DLGAP2: variants seen among roughly 807,000 people sequenced by gnomAD.
DLGAP2 encodes disks large-associated protein 2.
A neutral mutation model predicts 100.3 loss-of-function variants in DLGAP2; 26 were observed. The ratio of observed to expected loss-of-function variants is 0.26; its 90% CI spans 0.19 to 0.36. The LOEUF (loss-of-function observed/expected upper bound fraction) is 0.36. DLGAP2 is among the 10% of genes least tolerant of loss of function. The pLI is 1.00. For synonymous variants in DLGAP2, 886 were observed against 630.1 expected (o/e 1.41, Z -6.08); for missense variants, 1,858 against 1,453.2 (o/e 1.28, Z -4.53).
intron 3 of DLGAP2, among the ~76,000 whole-genome samples, chr8:1,334,714 C>T (rs1801232673): frequency 6.6e-6 from 1 of 152,148 alleles, no homozygotes; most frequent in Non-Finnish European, 1.5e-5. Context: ...AGCAGCCAGG[C>T]CGTGTGCCTT....
chr8:1,455,413 G>A (rs1798283956), intron 3 of DLGAP2, among the ~76,000 whole-genome samples: 1 of 152,218 alleles, frequency 6.6e-6, no homozygotes, highest in Non-Finnish European at 1.5e-5. Flanking sequence ...GGGGACCCTG[G>A]TCTGTCAGGA....
intron 1 of DLGAP2, among the ~76,000 whole-genome samples, chr8:749,635 T>C (rs1328035937): frequency 2.0e-5 from 3 of 152,246 alleles, no homozygotes; most frequent in Non-Finnish European, 4.4e-5. Flanking sequence ...CTGGGGTTAA[T>C]GTATTTTTTT....
chr8:1,270,834 G>A (rs1214849132), intron 3 of DLGAP2, among the ~76,000 whole-genome samples: 1 of 151,910 alleles, frequency 6.6e-6, no homozygotes, highest in Non-Finnish European at 1.5e-5. Context: ...CTCTCTGTGT[G>A]TGTGTCTACA....
chr8:1,469,736 T>G (rs887659198), intron 3 of DLGAP2, among the ~76,000 whole-genome samples: 1 of 152,178 alleles, frequency 6.6e-6, no homozygotes, highest in Non-Finnish European at 1.5e-5. Context: ...TTGCCCTAAA[T>G]AAAACCAACC....
intron 2 of DLGAP2, among the ~76,000 whole-genome samples, chr8:1,104,280 A>G (rs1321959880): frequency 1.3e-5 from 2 of 152,076 alleles, no homozygotes; most frequent in African/African-American, 4.8e-5. Context: ...CAGCCCAGTA[A>G]AAAGAGCTCA....
chr8:1,206,597 T>A (rs112543634), intron 2 of DLGAP2, among the ~76,000 whole-genome samples: 18,786 of 83,040 alleles, frequency 0.23, 1,162 homozygotes, highest in East Asian at 0.29. Context: ...GAGCAGTTAA[T>A]CTCCAGCCAT....
chr8:1,129,483 G>A (rs887006246), intron 2 of DLGAP2, among the ~76,000 whole-genome samples: 6 of 152,104 alleles, frequency 3.9e-5, no homozygotes, highest in Non-Finnish European at 8.8e-5. Flanking sequence ...TGGAATTGAA[G>A]CAAGTCTTAT....
chr8:1,379,698 A>C (rs559218488), intron 3 of DLGAP2: 1 of 152,380 alleles, frequency 6.6e-6, no homozygotes, highest in African/African-American at 2.4e-5. Flanking sequence ...TAACGTCAGG[A>C]GCCCCCAGTG....
intron 3 of DLGAP2, among the ~76,000 whole-genome samples, chr8:1,417,937 A>G (rs565284831): frequency 1.3e-5 from 2 of 152,112 alleles, no homozygotes; most frequent in Non-Finnish European, 2.9e-5. Flanking sequence ...CAAAATAGCT[A>G]CCACTGACAT....
At chr8:1,036,182 G>C (rs1372693527) in intron 2 of DLGAP2, among the ~76,000 whole-genome samples, 1 of 147,236 alleles carries the variant, frequency 6.8e-6, no homozygotes, top group African/African-American at 2.5e-5. Flanking sequence ...CCGACCCCGC[G>C]TGTCACCGCG....
chr8:1,627,160 T>C (rs982440402), intron 7 of DLGAP2, among the ~76,000 whole-genome samples: 2 of 152,348 alleles, frequency 1.3e-5, no homozygotes, highest in South Asian at 4.1e-4. Flanking sequence ...CTGGCCTCTC[T>C]TGTTGATAAA....
intron 10 of DLGAP2, among the ~76,000 whole-genome samples, chr8:1,674,583 C>CATGATAAAAAAAGA (rs1330803430): frequency 6.6e-6 from 1 of 152,110 alleles, no homozygotes; most frequent in Non-Finnish European, 1.5e-5. Flanking sequence ...ACGAGTGTTC[C>CATGATAAAAAAAGA]TTTTACAAAA....
At chr8:1,691,656 C>A in intron 13 of DLGAP2, 30 bp downstream of exon 13, 2 of 1,552,082 alleles carry the variant, frequency 1.3e-6, no homozygotes, top group Non-Finnish European at 1.8e-6. Context: ...ACCCCTGTTC[C>A]CTGTAACCAA....
intron 2 of DLGAP2, among the ~76,000 whole-genome samples, chr8:1,158,339 C>T (rs1170974983): frequency 6.6e-6 from 1 of 152,164 alleles, no homozygotes; most frequent in Non-Finnish European, 1.5e-5. Flanking sequence ...GTTATATGTG[C>T]ATGTATGTAT....
At chr8:1,666,815 A>G (rs1798555339) in intron 8 of DLGAP2, among the ~76,000 whole-genome samples, 1 of 152,080 alleles carries the variant, frequency 6.6e-6, no homozygotes, top group Admixed American at 6.5e-5. Context: ...GTCAGAGTGG[A>G]TTAGGAAAAT....
At chr8:820,554 A>G (rs1215468440) in intron 1 of DLGAP2, among the ~76,000 whole-genome samples, 1 of 152,256 alleles carries the variant, frequency 6.6e-6, no homozygotes, top group Non-Finnish European at 1.5e-5. Flanking sequence ...TTGCTCAATA[A>G]TCACATTAAA....
At chr8:1,602,349 G>A (rs1796655625) in intron 6 of DLGAP2, among the ~76,000 whole-genome samples, 1 of 152,148 alleles carries the variant, frequency 6.6e-6, no homozygotes, top group African/African-American at 2.4e-5. Flanking sequence ...CACTGAAATG[G>A]GGTCTTTCTT....
intron 6 of DLGAP2, among the ~76,000 whole-genome samples, chr8:1,580,910 C>T (rs980352333): frequency 1.3e-5 from 2 of 151,952 alleles, no homozygotes; most frequent in Admixed American, 1.3e-4. Context: ...CATCTATACA[C>T]CACAGTAAAC....
intron 1 of DLGAP2, among the ~76,000 whole-genome samples, chr8:775,095 T>G (rs1177746569): frequency 6.6e-6 from 1 of 152,232 alleles, no homozygotes; most frequent in Non-Finnish European, 1.5e-5. Context: ...CTAGGTATTT[T>G]ATTCTCTTTG....
Sources: gnomAD v4.1 joint callset for allele counts (sites outside exome capture counted in the v4.1 genomes callset) on GRCh38, gnomAD v4.1.1 for gene constraint, MANE v1.5 for transcripts, NCBI Gene and HGNC (gene_info 2026-07-23, HGNC 2026-07-21) for gene names.